Variants in VWA3B observed in about 807,000 individuals in gnomAD.
VWA3B encodes von Willebrand factor A domain containing 3B.
In VWA3B, 138 loss-of-function variants were observed where a neutral mutation model predicts 158.3. The ratio of observed to expected loss-of-function variants is 0.87; its 90% CI spans 0.76 to 1.00. VWA3B has a LOEUF of 1.00. Ranked by LOEUF, VWA3B falls within the 50% of genes least tolerant of loss-of-function variation. The pLI is 0.00. For missense variants in VWA3B, 1,555 were observed against 1,565.1 expected, an observed-to-expected ratio of 0.99 and a Z score of 0.11; for synonymous variants, 596 against 587.3, an observed-to-expected ratio of 1.01 and a Z score of -0.21.
rs78982984 is a variant in VWA3B, at chr2:98,175,947, T to C, written c.1115-5069T>C. ...GCTTATTGCATGGTACTTTAGCAAG[T>C]GTAGGTTGACAGCAGGTTTAGTTAG... On this transcript the variant is annotated intron_variant, in intron 8 of 27. Transcript: ENST00000477737. Among the ~76,000 whole-genome samples, 969 of 152,318 alleles carry C rather than the reference T, an allele frequency of 6.4e-3. 7 individuals are homozygous for C. Among genetic ancestry groups the C allele is most frequent in the African/African-American group, 0.022 (915 of 41,558 alleles).
chr2:98,315,030 G>A (rs147855133), downstream of VWA3B, among the ~76,000 whole-genome samples: 270 of 151,788 alleles, frequency 1.8e-3, 1 homozygote, highest in Non-Finnish European at 3.1e-3. Flanking sequence ...AATCAGCTCC[G>A]GAATGACACA....
chr2:98,216,432 C>T (rs766130423), intron 13 of VWA3B, among the ~76,000 whole-genome samples: 23 of 152,248 alleles, frequency 1.5e-4, no homozygotes, highest in Admixed American at 7.9e-4. Flanking sequence ...CTAAATAAAA[C>T]TAATGGCTAA....
chr2:98,244,148 A>C (rs1686245580), intron 19 of VWA3B, among the ~76,000 whole-genome samples: 1 of 152,178 alleles, frequency 6.6e-6, no homozygotes, highest in South Asian at 2.1e-4. Flanking sequence ...TTAATTTAGC[A>C]TATGTTATGA....
intron 9 of VWA3B, among the ~76,000 whole-genome samples, chr2:98,186,278 C>G (rs1681038204): frequency 6.6e-6 from 1 of 151,718 alleles, no homozygotes; most frequent in South Asian, 2.1e-4. Context: ...TGCCGAAGCA[C>G]CTCGAGGTGC....
At chr2:98,264,397 A>G (rs2105858073) in intron 21 of VWA3B, among the ~76,000 whole-genome samples, 1 of 152,180 alleles carries the variant, frequency 6.6e-6, no homozygotes, top group Admixed American at 6.5e-5. Context: ...ACTGCATCTC[A>G]TACATTTCGA....
chr2:98,113,192 T>C (rs947863405), intron 2 of VWA3B, among the ~76,000 whole-genome samples: 4 of 152,104 alleles, frequency 2.6e-5, no homozygotes, highest in Admixed American at 2.0e-4. Flanking sequence ...TTTTTCTCTT[T>C]GTTTATGTAT....
intron 3 of VWA3B, among the ~76,000 whole-genome samples, chr2:98,116,610 G>C (rs983512816): frequency 6.6e-6 from 1 of 152,130 alleles, no homozygotes; most frequent in South Asian, 2.1e-4. Context: ...GGGTCCGAGC[G>C]ATCCTCCCAC....
intron 2 of VWA3B, among the ~76,000 whole-genome samples, chr2:98,108,994 CT>C (rs56760057): frequency 0.017 from 2,225 of 132,522 alleles, 42 homozygotes; most frequent in African/African-American, 0.056. Context: ...CTTTTCTTTT[CT>C]TTTTTTTTTT....
chr2:98,278,398 G>A (rs1281285502), intron 22 of VWA3B, among the ~76,000 whole-genome samples: 1 of 152,222 alleles, frequency 6.6e-6, no homozygotes, highest in African/African-American at 2.4e-5. Context: ...GCTGTCCACA[G>A]ATGGCTAAGT....
chr2:98,243,804 A>G (rs569877647), intron 19 of VWA3B, among the ~76,000 whole-genome samples: 36 of 152,310 alleles, frequency 2.4e-4, no homozygotes, highest in Admixed American at 1.6e-3. Flanking sequence ...TGTAATATCT[A>G]TAAAGCTGTT....
At chr2:98,267,966 T>A (rs995690222) in intron 21 of VWA3B, among the ~76,000 whole-genome samples, 4 of 152,030 alleles carry the variant, frequency 2.6e-5, no homozygotes, top group African/African-American at 9.7e-5. Flanking sequence ...CCTAGACACA[T>A]ACACTCTCCC....
chr2:98,150,483 A>T, intron 7 of VWA3B, among the ~76,000 whole-genome samples: 1 of 152,242 alleles, frequency 6.6e-6, no homozygotes, highest in Middle Eastern at 3.2e-3. Flanking sequence ...ACTCAGGTTC[A>T]TAGCACCTGC....
chr2:98,197,172 T>C (rs1047838242), intron 12 of VWA3B, among the ~76,000 whole-genome samples: 3 of 152,206 alleles, frequency 2.0e-5, no homozygotes, highest in African/African-American at 7.2e-5. Flanking sequence ...AAGAGTACTA[T>C]TCAGATCTTC....
chr2:98,232,531 A>G (rs1685408325), intron 16 of VWA3B, among the ~76,000 whole-genome samples: 2 of 151,594 alleles, frequency 1.3e-5, no homozygotes, highest in South Asian at 4.2e-4. Context: ...GGCATCATGC[A>G]TTTGCTTTTT....
At chr2:98,212,525 T>C (rs1447081993) in intron 13 of VWA3B, among the ~76,000 whole-genome samples, 1 of 152,114 alleles carries the variant, frequency 6.6e-6, no homozygotes, top group African/African-American at 2.4e-5. Flanking sequence ...TGTAGAGGAG[T>C]CTGTTCATCT....
chr2:98,222,759 A>G (rs1684616473), intron 14 of VWA3B, among the ~76,000 whole-genome samples: 1 of 152,234 alleles, frequency 6.6e-6, no homozygotes, highest in African/African-American at 2.4e-5. Flanking sequence ...AAGAAGACCA[A>G]GATAATACCA....
intron 24 of VWA3B, among the ~76,000 whole-genome samples, chr2:98,298,373 G>GT (rs1372602473): frequency 1.6e-5 from 2 of 122,258 alleles, no homozygotes; most frequent in East Asian, 5.1e-4. Context: ...AACTACAAAA[G>GT]ATTCTATTCT....
chr2:98,275,690 G>A (rs1688481342), intron 22 of VWA3B, among the ~76,000 whole-genome samples: 1 of 152,220 alleles, frequency 6.6e-6, no homozygotes, highest in African/African-American at 2.4e-5. Context: ...TATCAGTGAT[G>A]GCTCTTTCCA....
intron 21 of VWA3B, among the ~76,000 whole-genome samples, chr2:98,260,005 TG>T (rs576075707): frequency 2.0e-3 from 304 of 151,848 alleles, no homozygotes; most frequent in Admixed American, 6.2e-3. Flanking sequence ...TGTTTGAATG[TG>T]GTATTTAATT....
Sources: allele counts gnomAD v4.1 joint callset (sites outside exome capture counted in the v4.1 genomes callset), GRCh38; gene constraint gnomAD v4.1.1; transcripts MANE v1.5; gene names NCBI Gene and HGNC (gene_info 2026-07-23, HGNC 2026-07-21).